ANKRD37: variants seen among roughly 807,000 people sequenced by gnomAD.
The protein encoded by ANKRD37 is ankyrin repeat domain-containing protein 37.
ANKRD37 carries 17 observed loss-of-function variants against 19.7 expected under a neutral mutation model. The observed-to-expected ratio is 0.86, with a 90% CI of 0.59 to 1.29. The LOEUF (loss-of-function observed/expected upper bound fraction) is 1.29, where lower values mean the gene tolerates loss of function less well. ANKRD37 is among the 50% of genes most tolerant of loss of function. ANKRD37 has a pLI of 0.00. For synonymous variants in ANKRD37, 79 were observed against 74.5 expected, an observed-to-expected ratio of 1.06 and a Z score of -0.31; for missense variants, 207 against 190.4, an observed-to-expected ratio of 1.09 and a Z score of -0.51.
downstream of ANKRD37, chr4:185,400,642 T>G (rs2095512174): frequency 4.2e-6 from 2 of 474,280 alleles, no homozygotes; most frequent in Admixed American, 3.8e-5. Context: ...TAACGTATCT[T>G]ACCCTTTAAG....
In ANKRD37 at chr4:185,399,604, C is replaced by G. The variant is rs2095510593; in HGVS notation, c.307C>G (p.Leu103Val). The change falls in exon 4 of 5, where the codon CTC becomes GTC. Residue 103 changes from leucine (L) to valine (V), a missense_variant. Physicochemically the swap from Leu to Val is conservative, Grantham distance 32. Coordinates refer to ENST00000335174, the MANE Select transcript of ANKRD37 (RefSeq NM_181726.4). ...CNKNGQTAED[L>V]AWSCGFPDCA... ...TAAGAACGGGCAAACAGCTGAAGAT[C>G]TCGCTTGGTCATGTGGATTTCCAGA... 3 of 1,614,192 alleles carry G rather than the reference C, an allele frequency of 1.9e-6. No individual in the cohort carries two copies. Among genetic ancestry groups the G allele is most frequent in the Non-Finnish European group, 2.5e-6 (3 of 1,180,016 alleles).
rs772560621 is a variant in ANKRD37 at position 185,399,778 on chromosome 4, G to GTAAC, written c.476+7_476+10dup. 1 of 1,613,916 alleles carries GTAAC rather than the reference G, an allele frequency of 6.2e-7. No individual in the cohort carries two copies. The highest frequency in any genetic ancestry group is 1.7e-5 in the Admixed American group (1 of 60,022). ...CAGTGGGAAAAGGAAGTGCTGGTAAGTAACTCAGAGCTGCTGCTTTTTTCC... is the reference window on the plus strand; with the variant it reads ...CAGTGGGAAAAGGAAGTGCTGGTAAGTAACTAACTCAGAGCTGCTGCTTTTTTCC... On this transcript the variant is annotated splice_donor_region_variant and intron_variant, in intron 4 of 4. Transcript: ENST00000335174.
At chr4:185,397,038 C>G (rs2095505354) in intron 1 of ANKRD37, 88 bp downstream of exon 1, 1 of 1,609,786 alleles carries the variant, frequency 6.2e-7, no homozygotes, top group Non-Finnish European at 8.5e-7. Context: ...GGACGGACCA[C>G]TGGGCGCTGC....
Position 185,398,987 on chromosome 4 carries a change from G to C in ANKRD37, c.231G>C (p.Leu77=). The C allele has an allele frequency of 6.2e-7, 1 of 1,613,880 alleles. No homozygotes were observed. Among genetic ancestry groups the C allele is most frequent in the African/African-American group, 1.3e-5 (1 of 75,048 alleles). ...PLHKAAKVGS[L]ECLSLLVASD... ...ACAAGGCAGCAAAAGTTGGAAGCCT[G>C]GAGTGCCTAAGCCTGCTTGTAGCCA... The change falls in exon 3 of 5, where the codon CTG becomes CTC. Residue 77 remains leucine, a synonymous_variant. Transcript: ENST00000335174.
Position 185,396,844 on chromosome 4 carries a change from C to A in ANKRD37, c.-80C>A, listed in dbSNP as rs371823357. 4.3e-3 allele frequency: 6,280 copies of A among 1,472,446 alleles called. 20 individuals are homozygous for A. Among genetic ancestry groups the A allele is most frequent in the Non-Finnish European group, 5.3e-3 (5,653 of 1,058,584 alleles). 91.2% of individuals were successfully genotyped at this position (1,472,446 alleles called of 1,614,324 possible). On this transcript the variant is annotated 5_prime_UTR_variant, in exon 1 of 5. Transcript: ENST00000335174. ...TCTCCCGTGCTAGGGCCAGCCTGCG[C>A]ATTCTTACCTGTCGGGGTGCGGCGA...
Position 185,399,591 on chromosome 4 carries a change from A to G in ANKRD37, c.294A>G (p.Gln98=), listed in dbSNP as rs1329720935. The G allele has an allele frequency of 1.2e-6, 2 of 1,614,220 alleles. No individual in the cohort carries two copies. Among genetic ancestry groups the G allele is most frequent in the South Asian group, 1.1e-5 (1 of 91,088 alleles). ...AQIDLCNKNG[Q]TAEDLAWSCG... Reference sequence around the variant, plus strand: ...TCAGTTTATGTAATAAGAACGGGCAAACAGCTGAAGATCTCGCTTGGTCAT... The same window carrying G: ...TCAGTTTATGTAATAAGAACGGGCAGACAGCTGAAGATCTCGCTTGGTCAT... The change falls in exon 4 of 5, where the codon CAA becomes CAG. Residue 98 remains glutamine, a synonymous_variant. Coordinates refer to ENST00000335174, the MANE Select transcript of ANKRD37 (RefSeq NM_181726.4).
At chr4:185,398,349 CAAAAAT>C (rs995358826) in intron 2 of ANKRD37, among the ~76,000 whole-genome samples, 1 of 152,114 alleles carries the variant, frequency 6.6e-6, no homozygotes, top group East Asian at 1.9e-4. Flanking sequence ...AGGAAAAAAA[CAAAAAT>C]AAAAAGCTTG....
intron 3 of ANKRD37, 150 bp downstream of exon 3, chr4:185,399,178 G>A (rs1156994671): frequency 1.3e-6 from 1 of 746,342 alleles, no homozygotes; most frequent in African/African-American, 1.8e-5. Flanking sequence ...TAGGTTGTTG[G>A]TGCTATCGAA....
chr4:185,400,129 G>C lies in ANKRD37; in HGVS notation c.*112G>C. 9.7e-7 allele frequency: 1 copy of C among 1,031,644 alleles called. No homozygotes were observed. The highest frequency in any genetic ancestry group is 1.4e-6 in the Non-Finnish European group (1 of 698,542). 63.9% of individuals were successfully genotyped at this position (1,031,644 alleles called of 1,614,324 possible). On this transcript the variant is annotated 3_prime_UTR_variant, in exon 5 of 5. Coordinates refer to ENST00000335174, the MANE Select transcript of ANKRD37 (RefSeq NM_181726.4). ...TGTCTAATCTCCTTCTGAGAAGGACGAAAAACTTTCTTCCAAGTGAAGATC... is the reference window on the plus strand; with the variant it reads ...TGTCTAATCTCCTTCTGAGAAGGACCAAAAACTTTCTTCCAAGTGAAGATC...
chr4:185,397,375 A>G lies in ANKRD37; in HGVS notation c.180+73A>G, dbSNP rs933368991. 21 of 1,552,854 alleles carry G rather than the reference A, an allele frequency of 1.4e-5. No individual in the cohort carries two copies. In the African/African-American group the frequency reaches 2.6e-4, roughly 19 times the overall value. On this transcript the variant is annotated intron_variant, in intron 2 of 4. Coordinates refer to ENST00000335174, the MANE Select transcript of ANKRD37 (RefSeq NM_181726.4). The stretch of plus-strand genomic sequence containing the variant: ...CACACACAAACATTTCTCAGACGCC[A>G]AGAGTTGTTTCAGCTGTTAAAAACA...
chr4:185,398,319 A>T (rs2095508243), intron 2 of ANKRD37, among the ~76,000 whole-genome samples: 1 of 152,248 alleles, frequency 6.6e-6, no homozygotes, highest in Non-Finnish European at 1.5e-5. Flanking sequence ...TCAAAAATAA[A>T]AAGCTTTTGC....
At chr4:185,399,367 C>G (rs2095510279) in intron 3 of ANKRD37, among the ~76,000 whole-genome samples, 1 of 152,154 alleles carries the variant, frequency 6.6e-6, no homozygotes, top group African/African-American at 2.4e-5. Context: ...AACATTCATT[C>G]AGAACTGGAA....
chr4:185,397,154 A>C lies in ANKRD37; in HGVS notation c.32A>C (p.Asp11Ala). The C allele has an allele frequency of 6.2e-7, 1 of 1,613,362 alleles. No homozygotes were observed. The highest frequency in any genetic ancestry group is 1.7e-5 in the Admixed American group (1 of 60,006). MLLLDCNPEV[D>A]GLKHLLETGA... ...GGATCTGTTCTCTTCCTGCAGGTGGATGGTCTGAAGCATTTGCTGGAGACA... is the reference window on the plus strand; with the variant it reads ...GGATCTGTTCTCTTCCTGCAGGTGGCTGGTCTGAAGCATTTGCTGGAGACA... The change falls in exon 2 of 5, where the codon GAT (aspartate) becomes GCT (alanine). Residue 11 changes from aspartate (D) to alanine (A), a missense_variant. Transcript: ENST00000335174.
At chr4:185,400,607 T>G (rs542776845), downstream of ANKRD37, 1 of 568,008 alleles carries the variant, frequency 1.8e-6, no homozygotes, top group African/African-American at 1.9e-5. Context: ...ATTCAAGGAT[T>G]TGAATTCCTA....
chr4:185,399,500 C>T (rs760381441), intron 3 of ANKRD37, 70 bp from the exon 4 acceptor site: 1 of 1,491,576 alleles, frequency 6.7e-7, no homozygotes, highest in Non-Finnish European at 9.0e-7. Context: ...CCCAAAATTC[C>T]CTTGTAAGAT....
intron 2 of ANKRD37, among the ~76,000 whole-genome samples, chr4:185,397,914 ACT>A (rs768838561): frequency 1.8e-4 from 28 of 151,900 alleles, no homozygotes; most frequent in Non-Finnish European, 3.4e-4. Context: ...TTCTGGAAGA[ACT>A]CTTTTTATTT....
In ANKRD37 at chr4:185,400,021, C is replaced by T; in HGVS notation, c.*4C>T. 1.2e-6 allele frequency: 2 copies of T among 1,600,236 alleles called. No homozygotes were observed. Among genetic ancestry groups the T allele is most frequent in the Non-Finnish European group, 1.7e-6 (2 of 1,175,074 alleles). ...TTAACGTGTTTTTAAAAACAGATGTCACGTGGGTTATGAAGAAGTCTGAAG... is the reference window on the plus strand; with the variant it reads ...TTAACGTGTTTTTAAAAACAGATGTTACGTGGGTTATGAAGAAGTCTGAAG... On this transcript the variant is annotated 3_prime_UTR_variant, in exon 5 of 5. Transcript: ENST00000335174.
downstream of ANKRD37, chr4:185,400,401 A>G (rs763657801): frequency 1.9e-6 from 3 of 1,612,576 alleles, no homozygotes; most frequent in South Asian, 3.3e-5. Flanking sequence ...TTTAAATCAT[A>G]TTTGGTCGCT....
intron 2 of ANKRD37, among the ~76,000 whole-genome samples, chr4:185,397,960 C>T (rs533707492): frequency 7.9e-5 from 12 of 152,290 alleles, no homozygotes; most frequent in African/African-American, 2.6e-4. Flanking sequence ...TATGGCTACA[C>T]GTTTTTATTT....
Sources: allele counts gnomAD v4.1 joint callset (sites outside exome capture counted in the v4.1 genomes callset), GRCh38; gene constraint gnomAD v4.1.1; transcripts MANE v1.5; gene names NCBI Gene and HGNC (gene_info 2026-07-23, HGNC 2026-07-21).